TRPM1: variants seen among roughly 807,000 people sequenced by gnomAD.
The protein encoded by TRPM1 is TRPM1-203 APA Isoform, Intron 10.
Under a neutral mutation model 149.4 loss-of-function variants are expected in TRPM1, and 113 were observed. The observed-to-expected ratio is 0.76, with a 90% confidence interval of 0.65 to 0.88. TRPM1 has a LOEUF of 0.88. TRPM1 is among the 40% of genes least tolerant of loss of function. The pLI, the probability that TRPM1 is intolerant of heterozygous loss-of-function variation, is 0.00. For missense variants in TRPM1, 1,976 were observed against 2,038.7 expected (o/e 0.97, Z 0.59); for synonymous variants, 741 against 759.5 (o/e 0.98, Z 0.40).
intron 1 of TRPM1, among the ~76,000 whole-genome samples, chr15:31,114,408 A>G (rs1271699472): frequency 6.6e-6 from 1 of 152,186 alleles, no homozygotes; most frequent in East Asian, 1.9e-4. Flanking sequence ...TGTTTTATCC[A>G]GTCTATTATT....
upstream of TRPM1, among the ~76,000 whole-genome samples, chr15:31,101,961 C>T (rs578156757): frequency 1.3e-5 from 2 of 152,234 alleles, no homozygotes; most frequent in Non-Finnish European, 2.9e-5. Context: ...GAAGTGGCCC[C>T]GCCATGGCCC....
At position 31,027,065 on chromosome 15, in the gene TRPM1, G is replaced by A. The variant is rs779371614; in HGVS notation, c.3346C>T (p.Arg1116Ter). Reference protein sequence around the residue: ...SISNQVWKFQRYQLIMTFHDR... With the variant: ...SISNQVWKFQ Reference sequence around the variant, plus strand: ...TGAAATGTCATAATCAGCTGATATCGCTGGAACTTCCACACCTGGTTGGAT... The same window carrying A: ...TGAAATGTCATAATCAGCTGATATCACTGGAACTTCCACACCTGGTTGGAT... Residue 1116 changes from arginine to a stop codon, truncating the protein, a stop_gained, in exon 26 of 28, where the codon CGA becomes TGA. Coordinates refer to ENST00000256552, the MANE Select transcript of TRPM1 (RefSeq NM_001252024.2). LOFTEE classifies it high-confidence loss of function. 1.2e-6 allele frequency: 2 copies of A among 1,614,158 alleles called. No individual in the cohort carries two copies. Among genetic ancestry groups the A allele is most frequent in the Admixed American group, 3.3e-5 (2 of 60,024 alleles).
intron 11 of TRPM1, among the ~76,000 whole-genome samples, chr15:31,053,584 C>T (rs192370712): frequency 6.6e-6 from 1 of 152,286 alleles, no homozygotes. Flanking sequence ...ATTATCTAAA[C>T]AACAGAAAAT....
intron 6 of TRPM1, 56 bp downstream of exon 6, chr15:31,067,007 T>C (rs1378878723): frequency 6.2e-7 from 1 of 1,605,330 alleles, no homozygotes; most frequent in East Asian, 2.2e-5. Flanking sequence ...AACGGTTACC[T>C]CAAAATCAAT....
At chr15:31,046,298 A>G in intron 15 of TRPM1, 65 bp from the exon 16 acceptor site, 1 of 1,484,482 alleles carries the variant, frequency 6.7e-7, no homozygotes. Flanking sequence ...GTAGTACATT[A>G]GCAGTATTGT....
At chr15:31,138,287 G>A (rs972469259) in intron 1 of TRPM1, among the ~76,000 whole-genome samples, 1 of 152,024 alleles carries the variant, frequency 6.6e-6, no homozygotes, top group African/African-American at 2.4e-5. Context: ...GACAATCTTC[G>A]TATTAACCAC....
In TRPM1 at chr15:31,040,063, C is replaced by T. The variant is rs890667683; in HGVS notation, c.2316+55G>A. ...ACAGAAAGTGCTCAGTTCAGCCTGG[C>T]AGAGAGTCACTTGTCACTGTCACCC... On this transcript the variant is annotated intron_variant, in intron 18 of 27. Transcript: ENST00000256552. This position sits in a 1 kb window ranked among gnomAD's most constrained non-coding sequence, Gnocchi z 4.2. 6 of 1,517,470 alleles carry T rather than the reference C, an allele frequency of 4.0e-6. No individual in the cohort carries two copies. The highest frequency in any genetic ancestry group is 5.5e-6 in the Non-Finnish European group (6 of 1,092,866). 94.0% of individuals were successfully genotyped at this position (1,517,470 alleles called of 1,614,324 possible).
intron 27 of TRPM1, among the ~76,000 whole-genome samples, chr15:31,013,068 A>G (rs2032243306): frequency 6.6e-6 from 1 of 150,532 alleles, no homozygotes; most frequent in Non-Finnish European, 1.5e-5. Context: ...GCAGCCTTGA[A>G]TTCCTGGGCT....
At chr15:31,104,469 C>T (rs1244648562), upstream of TRPM1, among the ~76,000 whole-genome samples, 1 of 151,820 alleles carries the variant, frequency 6.6e-6, no homozygotes, top group African/African-American at 2.4e-5. Flanking sequence ...TGCAATAAGA[C>T]TTTTTGGTGG....
Position 31,046,203 on chromosome 15 carries a change from C to T in TRPM1, c.1794+1G>A, listed in dbSNP as rs2033756985. The T allele has an allele frequency of 1.2e-6, 2 of 1,613,600 alleles. No homozygotes were observed. The highest frequency in any genetic ancestry group is 2.2e-5 in the East Asian group (1 of 44,806). ...AACTGTTGAAAACAAGTTCTACTTA[C>T]TTCCATTCCCAGAAGTTTAAGAGCT... is the stretch of plus-strand genomic sequence containing the variant. On this transcript the variant is annotated splice_donor_variant, in intron 16 of 27. Transcript: ENST00000256552. LOFTEE classifies it high-confidence loss of function.
Position 31,066,236 on chromosome 15 carries a change from C to T in TRPM1, c.630G>A (p.Val210=). Residue 210 remains valine, a synonymous_variant, in exon 7 of 28, where the codon GTG becomes GTA. Transcript: ENST00000256552. ...EDLVGKDVTR[V]YQTMSNPLSK... is the part of the protein sequence containing the mutation. ...TTAGAGGGTTGGACATGGTCTGGTA[C>T]ACTCTTGTTACCTGACAAAGTGCAC... 1.2e-6 allele frequency: 2 copies of T among 1,614,202 alleles called. No homozygotes were observed. Among genetic ancestry groups the T allele is most frequent in the Middle Eastern group, 1.6e-4 (1 of 6,062 alleles).
At chr15:31,088,349 C>G (rs547913726) in intron 1 of TRPM1, among the ~76,000 whole-genome samples, 24 of 152,324 alleles carry the variant, frequency 1.6e-4, no homozygotes, top group South Asian at 1.2e-3. Context: ...GTTGTGGAAG[C>G]TTTCTTCTTT....
Position 31,047,163 on chromosome 15 carries a change from T to C in TRPM1, c.1712A>G (p.Tyr571Cys). The change falls in exon 15 of 28, where the codon TAC (tyrosine) becomes TGC (cysteine). Residue 571 changes from tyrosine (Y) to cysteine (C), a missense_variant. Physicochemically the swap from Tyr to Cys is radical, Grantham distance 194. Transcript: ENST00000256552. ...YLMGGAYRCN[Y>C]TRKNFRTLYN... ...AAGGGTCCGAAAGTTTTTCCGAGTG[T>C]AGTTGCAGCGGTAGGCTCCTCCCAT... 1 of 1,614,188 alleles carries C rather than the reference T, an allele frequency of 6.2e-7. No homozygotes were observed. The highest frequency in any genetic ancestry group is 8.5e-7 in the Non-Finnish European group (1 of 1,180,032).
At chr15:31,100,406 C>T (rs1441479650) in intron 1 of TRPM1, among the ~76,000 whole-genome samples, 1 of 151,988 alleles carries the variant, frequency 6.6e-6, no homozygotes, top group African/African-American at 2.4e-5. Flanking sequence ...CCTACCTCCC[C>T]CACTACTTTT....
At chr15:31,077,893 TTA>T (rs1006534228) in intron 2 of TRPM1, among the ~76,000 whole-genome samples, 5 of 151,680 alleles carry the variant, frequency 3.3e-5, no homozygotes, top group Non-Finnish European at 7.4e-5. Context: ...GTGTGTGGTG[TTA>T]TGTGTGTGGT....
chr15:31,048,288 T>C (rs969114816), intron 13 of TRPM1, among the ~76,000 whole-genome samples: 4 of 152,062 alleles, frequency 2.6e-5, no homozygotes, highest in African/African-American at 9.7e-5. Flanking sequence ...AATAAATAAA[T>C]AAGTTTTTTT....
At position 31,035,642 on chromosome 15, in the gene TRPM1, G is replaced by A. The variant is rs2033332480; in HGVS notation, c.2604C>T (p.Asn868=). The change falls in exon 21 of 28, where the codon AAC becomes AAT. Residue 868 remains asparagine (N), a synonymous_variant. Coordinates refer to ENST00000256552, the MANE Select transcript of TRPM1 (RefSeq NM_001252024.2). The part of the protein sequence containing the change: ...ISYLGYLLLF[N]YVILVRMDGW... ...CATCCATCCGCACCAGGATGACGTA[G>A]TTAAACAGCAGCAGGTAGCCCAAGT... 1 of 1,614,244 alleles carries A rather than the reference G, an allele frequency of 6.2e-7. No individual in the cohort carries two copies. Among genetic ancestry groups the A allele is most frequent in the Non-Finnish European group, 8.5e-7 (1 of 1,180,040 alleles).
intron 1 of TRPM1, among the ~76,000 whole-genome samples, chr15:31,118,237 G>A (rs2035829368): frequency 6.6e-6 from 1 of 152,076 alleles, no homozygotes; most frequent in Non-Finnish European, 1.5e-5. Flanking sequence ...CAGCCTGGGT[G>A]ACAGAGCCAG....
intron 1 of TRPM1, among the ~76,000 whole-genome samples, chr15:31,088,801 CT>C (rs1567045924): frequency 7.1e-6 from 1 of 140,492 alleles, no homozygotes; most frequent in Admixed American, 6.8e-5. Flanking sequence ...GTTCTTTCTG[CT>C]GGGGGGATGC....
Sources: allele counts gnomAD v4.1 joint callset (sites outside exome capture counted in the v4.1 genomes callset), GRCh38; gene constraint gnomAD v4.1.1; non-coding constraint Gnocchi (gnomAD v3.1); transcripts MANE v1.5; gene names NCBI Gene and HGNC (gene_info 2026-07-23, HGNC 2026-07-21).